Variants in CYTH4 observed in about 807,000 individuals in gnomAD.
The protein encoded by CYTH4 is cytohesin-4.
A neutral mutation model predicts 57.5 loss-of-function variants in CYTH4; 22 were observed. The observed-to-expected ratio is 0.38, with a 90% CI of 0.27 to 0.55. The LOEUF (loss-of-function observed/expected upper bound fraction) is 0.55, where lower values mean the gene tolerates loss of function less well. CYTH4 is among the 20% of genes least tolerant of loss of function. CYTH4 has a pLI of 0.74. For missense variants in CYTH4, 420 were observed against 535.6 expected, an observed-to-expected ratio of 0.78 and a Z score of 2.13; for synonymous variants, 186 against 206.5, an observed-to-expected ratio of 0.90 and a Z score of 0.85.
chr22:37,300,180 C>A (rs1208021002), intron 6 of CYTH4: 1 of 717,464 alleles, frequency 1.4e-6, no homozygotes, highest in Non-Finnish European at 2.6e-6. Flanking sequence ...CTGATCTGGG[C>A]TTTGGAGGGT....
At position 37,311,149 on chromosome 22, in the gene CYTH4, ACACAGCT is replaced by A. The variant is rs1929626633; in HGVS notation, c.885+86_885+92del. ...CCAACTCCCACTGAGCAGTCGACTCACACAGCTTTGGATCCTTTGAGATCATTCAGTC... is the reference window on the plus strand; with the variant it reads ...CCAACTCCCACTGAGCAGTCGACTCATTGGATCCTTTGAGATCATTCAGTC... On this transcript the variant is annotated intron_variant, in intron 10 of 12. Transcript: ENST00000248901. This position sits in a 1 kb window ranked among gnomAD's most constrained non-coding sequence, Gnocchi z 4.4. 6.9e-7 allele frequency: 1 copy of A among 1,444,196 alleles called. No homozygotes were observed. 89.5% of individuals were successfully genotyped at this position (1,444,196 alleles called of 1,614,324 possible). A position where few individuals can be genotyped will look rare whatever the true frequency, so the allele number is the denominator to read the frequency against.
Position 37,297,548 on chromosome 22 carries a change from T to A in CYTH4, c.235-16T>A, listed in dbSNP as rs920587702. The A allele has an allele frequency of 3.1e-6, 5 of 1,611,050 alleles. No homozygotes were observed. In the Admixed American group the frequency reaches 8.3e-5, roughly 27 times the overall value. The stretch of plus-strand genomic sequence containing the variant: ...CCATGCAGCAGCTGCTCACGGCTTC[T>A]GTGTACCCCCTCCAGGGTATCCAGT... On this transcript the variant is annotated splice_polypyrimidine_tract_variant and intron_variant, in intron 4 of 12. Coordinates refer to ENST00000248901, the MANE Select transcript of CYTH4 (RefSeq NM_013385.5).
At chr22:37,312,322 A>G (rs1184361153) in intron 12 of CYTH4, 148 bp downstream of exon 12, 6 of 1,184,892 alleles carry the variant, frequency 5.1e-6, no homozygotes, top group African/African-American at 4.6e-5. Flanking sequence ...CCCGTATTCC[A>G]TGGGTACTTT....
At position 37,299,259 on chromosome 22, in the gene CYTH4, C is replaced by T. The variant is rs527608462; in HGVS notation, c.387C>T (p.Phe129=). The T allele has an allele frequency of 9.9e-6, 16 of 1,611,318 alleles. No individual in the cohort carries two copies. Among genetic ancestry groups the T allele is most frequent in the South Asian group, 7.7e-5 (7 of 91,034 alleles). ...DPINLQVLQA[F]VDCHEFANLN... ...TCAACCTGCAGGTCCTCCAGGCCTT[C>T]GTGGACTGCCACGAGTTCGCCAACC... Residue 129 remains phenylalanine (F), a synonymous_variant, in exon 6 of 13, where the codon TTC becomes TTT. Transcript: ENST00000248901.
chr22:37,299,408 G>A, intron 6 of CYTH4, 102 bp downstream of exon 6: 1 of 1,065,062 alleles, frequency 9.4e-7, no homozygotes, highest in Non-Finnish European at 1.4e-6. Context: ...CAAAGGGTTG[G>A]GAGCAAAGAA....
rs141464940 is a variant in CYTH4 at position 37,288,112 on chromosome 22, T to A, written c.20-4509T>A. On this transcript the variant is annotated intron_variant, in intron 1 of 12. Transcript: ENST00000248901. ...TGGCCAACATAGTGAAACCCCCGTC[T>A]CTATTAAAAATACAGAAATTGGCCC... Among the ~76,000 whole-genome samples the A allele has an allele frequency of 2.0e-3, 311 of 152,182 alleles. 2 individuals are homozygous for A. Among genetic ancestry groups the A allele is most frequent in the African/African-American group, 7.3e-3 (301 of 41,510 alleles).
intron 1 of CYTH4, chr22:37,292,063 C>T (rs1122084): frequency 0.14 from 21,176 of 152,600 alleles, 1,850 homozygotes; most frequent in South Asian, 0.26. Context: ...CACCCTGCTA[C>T]AGGCTCATTT....
chr22:37,293,213 G>A (rs953248465), intron 2 of CYTH4, among the ~76,000 whole-genome samples: 3 of 152,150 alleles, frequency 2.0e-5, no homozygotes, highest in Non-Finnish European at 4.4e-5. Context: ...CCCTCTGCCT[G>A]GGCTGCAGTG....
chr22:37,283,110 G>A (rs1473039861), intron 1 of CYTH4, among the ~76,000 whole-genome samples: 1 of 152,180 alleles, frequency 6.6e-6, no homozygotes, highest in Non-Finnish European at 1.5e-5. Flanking sequence ...GCTTGTCTGG[G>A]TGATACAAGG....
intron 1 of CYTH4, among the ~76,000 whole-genome samples, chr22:37,290,548 C>T (rs1459038723): frequency 6.6e-6 from 1 of 152,104 alleles, no homozygotes; most frequent in Non-Finnish European, 1.5e-5. Context: ...CTCTGTTGCC[C>T]AGGCTGGAGT....
chr22:37,311,215 G>T lies in CYTH4; in HGVS notation c.885+151G>T. 1 of 1,008,042 alleles carries T rather than the reference G, an allele frequency of 9.9e-7. No individual in the cohort carries two copies. Among genetic ancestry groups the T allele is most frequent in the Non-Finnish European group, 1.5e-6 (1 of 668,740 alleles). The allele number at this position is 1,008,042 out of a possible 1,614,324, so 62.4% of individuals were successfully genotyped here. A position where few individuals can be genotyped will look rare whatever the true frequency, so the allele number is the denominator to read the frequency against. The stretch of plus-strand genomic sequence containing the variant: ...TGCCCATTTTACAGATGGGGAAAAC[G>T]GGTACACAGAGGAGGGCCGGGCCAA... On this transcript the variant is annotated intron_variant, in intron 10 of 12. Transcript: ENST00000248901. The surrounding 1 kb of genome is among the most constrained non-coding windows in gnomAD (Gnocchi z 4.4).
chr22:37,299,383 A>T, intron 6 of CYTH4, 77 bp downstream of exon 6: 1 of 1,240,966 alleles, frequency 8.1e-7, no homozygotes, highest in Non-Finnish European at 1.2e-6. Context: ...CGATCCACAT[A>T]GCTGACAGCA....
rs1601701304 is a variant in CYTH4, at chr22:37,295,292, C to T, written c.167+568C>T. Among the ~76,000 whole-genome samples, 1 of 151,934 alleles carries T rather than the reference C, an allele frequency of 6.6e-6. No homozygotes were observed. ...GCCCCAGTGCACTGACTCTGACACACGATGTCCTGGCAATTTCCCATCCTG... is the reference window on the plus strand; with the variant it reads ...GCCCCAGTGCACTGACTCTGACACATGATGTCCTGGCAATTTCCCATCCTG... On this transcript the variant is annotated intron_variant, in intron 3 of 12. Coordinates refer to ENST00000248901, the MANE Select transcript of CYTH4 (RefSeq NM_013385.5). This position sits in a 1 kb window ranked among gnomAD's most constrained non-coding sequence, Gnocchi z 4.1.
chr22:37,303,727 G>A (rs914438980), intron 8 of CYTH4, among the ~76,000 whole-genome samples: 1 of 152,192 alleles, frequency 6.6e-6, no homozygotes, highest in African/African-American at 2.4e-5. Context: ...ACACAGCCCA[G>A]GTCTATTTCT....
At chr22:37,309,627 CGGAAT>C (rs1929563492) in intron 9 of CYTH4, among the ~76,000 whole-genome samples, 1 of 152,150 alleles carries the variant, frequency 6.6e-6, no homozygotes, top group South Asian at 2.1e-4. Flanking sequence ...CTCTCCCCAG[CGGAAT>C]GGGGAGGGAA....
At chr22:37,303,726 A>C (rs1929282806) in intron 8 of CYTH4, among the ~76,000 whole-genome samples, 1 of 152,202 alleles carries the variant, frequency 6.6e-6, no homozygotes. Flanking sequence ...CACACAGCCC[A>C]GGTCTATTTC....
At chr22:37,308,728 GTA>G (rs1468441902) in intron 8 of CYTH4, among the ~76,000 whole-genome samples, 2 of 151,392 alleles carry the variant, frequency 1.3e-5, no homozygotes, top group African/African-American at 4.9e-5. Context: ...GTGCGTGTAT[GTA>G]TGAGTATGCA....
chr22:37,300,679 G>A (rs780062761), intron 6 of CYTH4, among the ~76,000 whole-genome samples: 3 of 152,218 alleles, frequency 2.0e-5, no homozygotes, highest in Non-Finnish European at 4.4e-5. Flanking sequence ...CCTGCAGAGC[G>A]GGGCGTGTGC....
At chr22:37,301,326 G>A (rs970642361) in intron 7 of CYTH4, among the ~76,000 whole-genome samples, 17 of 152,156 alleles carry the variant, frequency 1.1e-4, no homozygotes, top group African/African-American at 2.4e-4. Context: ...TCTCAGAGGC[G>A]GTGAGGTCTG....
Sources: allele counts gnomAD v4.1 joint callset (sites outside exome capture counted in the v4.1 genomes callset), GRCh38; gene constraint gnomAD v4.1.1; non-coding constraint Gnocchi (gnomAD v3.1); transcripts MANE v1.5; gene names NCBI Gene and HGNC (gene_info 2026-07-23, HGNC 2026-07-21).